ZNF587B: variants seen among roughly 807,000 people sequenced by gnomAD.
ZNF587B encodes the protein zinc finger protein 587B.
In ZNF587B, 6 loss-of-function variants were observed where a neutral mutation model predicts 7.2. The observed-to-expected ratio is 0.83, with a 90% confidence interval of 0.46 to 1.65. ZNF587B has a LOEUF of 1.65. Ranked by LOEUF, ZNF587B falls within the 40% of genes most tolerant of loss-of-function variation. ZNF587B has a pLI of 0.01. For missense variants in ZNF587B, 749 were observed against 761.0 expected, an observed-to-expected ratio of 0.98 and a Z score of 0.19; for synonymous variants, 274 against 254.3, an observed-to-expected ratio of 1.08 and a Z score of -0.74.
intron 1 of ZNF587B, among the ~76,000 whole-genome samples, chr19:57,834,936 G>A (rs138423547): frequency 0.1 from 9,792 of 95,958 alleles, 1,156 homozygotes; most frequent in East Asian, 0.29. Context: ...CACCTCTCGA[G>A]CTCAGTCCTT....
intron 1 of ZNF587B, among the ~76,000 whole-genome samples, chr19:57,838,465 G>A (rs1988714137): frequency 6.6e-6 from 1 of 151,538 alleles, no homozygotes; most frequent in Admixed American, 6.6e-5. Flanking sequence ...GCCAGATGTG[G>A]TGGCGGGTGC....
intron 1 of ZNF587B, among the ~76,000 whole-genome samples, chr19:57,831,471 C>T (rs1988390696): frequency 6.6e-6 from 1 of 152,194 alleles, no homozygotes; most frequent in African/African-American, 2.4e-5. Flanking sequence ...CGGCTCACCG[C>T]AATCTCCGCC....
rs149756533 is a variant in ZNF587B, at chr19:57,838,781, C to T, written c.37-242C>T. Among the ~76,000 whole-genome samples the T allele has an allele frequency of 1.4e-3, 215 of 152,178 alleles. No individual in the cohort carries two copies. In the Middle Eastern group the frequency reaches 0.02, roughly 14 times the overall value. ...TGCCACATTGGGCTTCCCATGACCT[C>T]GGCCATACTAGGGAAAGTGCCTGTC... is the stretch of plus-strand genomic sequence containing the variant. On this transcript the variant is annotated intron_variant, in intron 1 of 2. Transcript: ENST00000594901.
In ZNF587B at chr19:57,842,019, C is replaced by A; in HGVS notation, c.1345C>A (p.His449Asn). The A allele has an allele frequency of 1.9e-6, 3 of 1,597,064 alleles. No individual in the cohort carries two copies. The highest frequency in any genetic ancestry group is 2.6e-6 in the Non-Finnish European group (3 of 1,171,634). ...TGGGGAATGTGGGAAATGTTTTAGT[C>A]ACAAGGGTAACCTCATTCTACACCA... is the stretch of plus-strand genomic sequence containing the variant. Reference protein sequence around the residue: ...KCGECGKCFSHKGNLILHQHG... With the variant: ...KCGECGKCFSNKGNLILHQHG... The change falls in exon 3 of 3, where the codon CAC becomes AAC. Residue 449 changes from histidine (H) to asparagine (N), a missense_variant. His to Asn is a moderately conservative substitution (Grantham distance 68). Transcript: ENST00000594901.
chr19:57,840,609 C>G (rs1042986513), intron 2 of ZNF587B, among the ~76,000 whole-genome samples: 8 of 152,170 alleles, frequency 5.3e-5, no homozygotes, highest in Admixed American at 1.3e-4. Flanking sequence ...TGCCTCTACT[C>G]CCTGTGTTAC....
Position 57,842,147 on chromosome 19 carries a change from G to A in ZNF587B, c.1473G>A (p.Glu491=), listed in dbSNP as rs775087531. The change falls in exon 3 of 3, where the codon GAG becomes GAA. Residue 491 remains glutamate (E), a synonymous_variant. Transcript: ENST00000594901. The part of the protein sequence containing the change: ...LLVHQRIHSG[E]KPYACEACQK... ...TACACCAGAGAATTCACAGTGGAGA[G>A]AAGCCATATGCTTGTGAGGCTTGTC... is the stretch of plus-strand genomic sequence containing the variant. 7 of 1,612,706 alleles carry A rather than the reference G, an allele frequency of 4.3e-6. No individual in the cohort carries two copies. Among genetic ancestry groups the A allele is most frequent in the East Asian group, 2.2e-5 (1 of 44,856 alleles).
At chr19:57,839,225 C>T in intron 2 of ZNF587B, 76 bp downstream of exon 2, 2 of 1,586,150 alleles carry the variant, frequency 1.3e-6, no homozygotes, top group Non-Finnish European at 1.7e-6. Context: ...GCAAGACTTT[C>T]TCATGTCAGG....
rs530321052 is a variant in ZNF587B at position 57,843,542 on chromosome 19, AT to A, written c.*976del. On this transcript the variant is annotated 3_prime_UTR_variant, in exon 3 of 3. Coordinates refer to ENST00000594901, the MANE Select transcript of ZNF587B (RefSeq NM_001376223.1). The stretch of plus-strand genomic sequence containing the variant: ...TTTGGTTGTCTCCCATTCACGAGAG[AT>A]TTTTTTTTTAAGTTTTTTGTTTGGT... 1.4e-4 allele frequency: 123 copies of A among 902,976 alleles called. No individual in the cohort carries two copies. The highest frequency in any genetic ancestry group is 3.1e-4 in the East Asian group (2 of 6,528). 55.9% of individuals were successfully genotyped at this position (902,976 alleles called of 1,614,324 possible).
At chr19:57,837,527 C>G (rs1245356441) in intron 1 of ZNF587B, among the ~76,000 whole-genome samples, 3 of 151,672 alleles carry the variant, frequency 2.0e-5, no homozygotes, top group Non-Finnish European at 4.4e-5. Flanking sequence ...CGGCTCACTG[C>G]AAGCTCCGCC....
At chr19:57,840,427 G>A (rs1021433466) in intron 2 of ZNF587B, among the ~76,000 whole-genome samples, 3 of 152,056 alleles carry the variant, frequency 2.0e-5, no homozygotes, top group African/African-American at 7.2e-5. Flanking sequence ...TTTGCATAGA[G>A]ATTTGTGTTA....
At position 57,843,078 on chromosome 19, in the gene ZNF587B, C is replaced by A; in HGVS notation, c.*502C>A. 1.3e-6 allele frequency: 1 copy of A among 767,496 alleles called. No homozygotes were observed. The highest frequency in any genetic ancestry group is 1.6e-6 in the Non-Finnish European group (1 of 630,930). The allele number at this position is 767,496 out of a possible 1,614,324, so 47.5% of individuals were successfully genotyped here. ...TGCTGCGATCGTAGCTCACTGCATC[C>A]TCCGCCCCCTAGGCTCAAGTGATCT... On this transcript the variant is annotated 3_prime_UTR_variant, in exon 3 of 3. Transcript: ENST00000594901.
In ZNF587B at chr19:57,830,630, A is replaced by G. The variant is rs1988340595; in HGVS notation, c.36+66A>G. ...TCACCCAAAAGCCTGTAGTCTTGCA[A>G]GGAAGAGTCTTTAAGGTGGCAGAGC... On this transcript the variant is annotated intron_variant, in intron 1 of 2. Transcript: ENST00000594901. 5 of 1,529,406 alleles carry G rather than the reference A, an allele frequency of 3.3e-6. No individual in the cohort carries two copies. In the Admixed American group the frequency reaches 9.8e-5, roughly 30 times the overall value. The allele number at this position is 1,529,406 out of a possible 1,614,324, so 94.7% of individuals were successfully genotyped here.
Position 57,844,136 on chromosome 19 carries a change from T to G in ZNF587B, c.*1560T>G. ...CCTCAGCACTTCTTGCTTTTTCATT[T>G]CTTTCTGATAAGTTACACCATGGAC... On this transcript the variant is annotated 3_prime_UTR_variant, in exon 3 of 3. Coordinates refer to ENST00000594901, the MANE Select transcript of ZNF587B (RefSeq NM_001376223.1). 3.4e-6 allele frequency: 1 copy of G among 292,836 alleles called. No individual in the cohort carries two copies. The highest frequency in any genetic ancestry group is 4.9e-5 in the Admixed American group (1 of 20,560). 18.1% of individuals were successfully genotyped at this position (292,836 alleles called of 1,614,324 possible). A position where few individuals can be genotyped will look rare whatever the true frequency, so the allele number is the denominator to read the frequency against.
intron 1 of ZNF587B, among the ~76,000 whole-genome samples, chr19:57,835,207 C>G: frequency 1.0e-5 from 1 of 96,612 alleles, no homozygotes; most frequent in South Asian, 3.4e-4. Flanking sequence ...CTCATTCTGT[C>G]ATCCAGGTGA....
chr19:57,836,827 G>A lies in ZNF587B; in HGVS notation c.37-2196G>A, dbSNP rs148256119. 1.7e-4 allele frequency among the ~76,000 whole-genome samples: 26 copies of A among 152,150 alleles called. No individual in the cohort carries two copies. In the East Asian group the frequency reaches 3.9e-3, roughly 23 times the overall value. ...AAAAATACAAAAATTAACCAGGCAT[G>A]GTGGTACACTCATGTAATCCCAGCT... On this transcript the variant is annotated intron_variant, in intron 1 of 2. Coordinates refer to ENST00000594901, the MANE Select transcript of ZNF587B (RefSeq NM_001376223.1).
rs1221211611 is a variant in ZNF587B at position 57,845,420 on chromosome 19, G to A, written c.*2844G>A. ...CTTTGGTCAGAGGAAATAATCTAAA[G>A]GTTTTGTGAATTCATGTAACCTTTT... On this transcript the variant is annotated 3_prime_UTR_variant, in exon 3 of 3. Transcript: ENST00000594901. 6.6e-6 allele frequency: 1 copy of A among 152,120 alleles called. No individual in the cohort carries two copies. The highest frequency in any genetic ancestry group is 1.9e-4 in the East Asian group (1 of 5,196). The allele number at this position is 152,120 out of a possible 1,614,324, so 9.4% of individuals were successfully genotyped here.
At position 57,844,371 on chromosome 19, in the gene ZNF587B, C is replaced by T. The variant is rs914947375; in HGVS notation, c.*1795C>T. The T allele has an allele frequency of 1.8e-5, 5 of 279,610 alleles. No homozygotes were observed. Among genetic ancestry groups the T allele is most frequent in the East Asian group, 3.0e-4 (2 of 6,572 alleles). 17.3% of individuals were successfully genotyped at this position (279,610 alleles called of 1,614,324 possible). On this transcript the variant is annotated 3_prime_UTR_variant, in exon 3 of 3. Transcript: ENST00000594901. ...TATAAAAATTAGCCGGGCATGGTGG[C>T]GCACCTGTAGCCGCAGCTACTCAGG...
rs1426764246 is a variant in ZNF587B, at chr19:57,845,702, A to G, written c.*3126A>G. The G allele has an allele frequency of 6.6e-6, 1 of 152,194 alleles. No homozygotes were observed. The highest frequency in any genetic ancestry group is 1.5e-5 in the Non-Finnish European group (1 of 68,042). The allele number at this position is 152,194 out of a possible 1,614,324, so 9.4% of individuals were successfully genotyped here. A position where few individuals can be genotyped will look rare whatever the true frequency, so the allele number is the denominator to read the frequency against. On this transcript the variant is annotated 3_prime_UTR_variant, in exon 3 of 3. Transcript: ENST00000594901. The stretch of plus-strand genomic sequence containing the variant: ...TGGCAAATCTGTATTTTTCTCTTAA[A>G]CCGTGTTATAAAAGCTGTAATAAGG...
chr19:57,832,634 C>A (rs1024173068), intron 1 of ZNF587B, among the ~76,000 whole-genome samples: 1 of 152,208 alleles, frequency 6.6e-6, no homozygotes, highest in Non-Finnish European at 1.5e-5. Context: ...GGGCATTAAA[C>A]AGTTAGGTGT....
Sources: gnomAD v4.1 joint callset for allele counts (sites outside exome capture counted in the v4.1 genomes callset) on GRCh38, gnomAD v4.1.1 for gene constraint, MANE v1.5 for transcripts, NCBI Gene and HGNC (gene_info 2026-07-23, HGNC 2026-07-21) for gene names.